PLA2R1: variants seen among roughly 807,000 people sequenced by gnomAD.
PLA2R1 encodes the protein secretory phospholipase A2 receptor.
PLA2R1 carries 158 observed loss-of-function variants against 195.9 expected under a neutral mutation model. The ratio of observed to expected loss-of-function variants is 0.81; its 90% CI spans 0.71 to 0.92. The LOEUF is 0.92. PLA2R1 is among the 40% of genes least tolerant of loss of function. PLA2R1 has a pLI of 0.00. For missense variants in PLA2R1, 1,626 were observed against 1,764.6 expected (o/e 0.92, Z 1.41); for synonymous variants, 586 against 598.2 (o/e 0.98, Z 0.30).
intron 9 of PLA2R1, among the ~76,000 whole-genome samples, chr2:160,016,009 AATCCCGG>A (rs1692717855): frequency 6.6e-6 from 1 of 152,228 alleles, no homozygotes; most frequent in African/African-American, 2.4e-5. Context: ...TGAAGCCTGT[AATCCCGG>A]TACTTTGGGA....
At chr2:159,965,955 A>C (rs867900464) in intron 20 of PLA2R1, among the ~76,000 whole-genome samples, 12 of 152,212 alleles carry the variant, frequency 7.9e-5, no homozygotes, top group African/African-American at 2.9e-4. Context: ...CACCAGACTC[A>C]GGGTCAGAAA....
chr2:160,020,200 G>T lies in PLA2R1; in HGVS notation c.1358C>A (p.Ser453Tyr). Residue 453 changes from serine (S) to tyrosine (Y), a missense_variant, in exon 8 of 30, where the codon TCT becomes TAT. Ser to Tyr is a moderately radical substitution (Grantham distance 144). Transcript: ENST00000283243. Reference protein sequence around the residue: ...SNKIPVSFEWSNDSSVIFTNW... With the variant: ...SNKIPVSFEWYNDSSVIFTNW... ...AGTAAAGATGACTGAAGAGTCATTA[G>T]ACCATTCAAAGGAAACTGGAATTTT... 1 of 1,608,210 alleles carries T rather than the reference G, an allele frequency of 6.2e-7. No individual in the cohort carries two copies. Among genetic ancestry groups the T allele is most frequent in the Non-Finnish European group, 8.5e-7 (1 of 1,174,670 alleles).
At chr2:160,036,916 T>A (rs1461359070) in intron 3 of PLA2R1, among the ~76,000 whole-genome samples, 1 of 152,224 alleles carries the variant, frequency 6.6e-6, no homozygotes, top group Non-Finnish European at 1.5e-5. Context: ...TGGCGAATTC[T>A]TCTTTTAGTC....
At chr2:159,923,982 G>A in the PLA2R1 span, among the ~76,000 whole-genome samples, 25 of 152,110 alleles carry the variant, frequency 1.6e-4, no homozygotes, top group African/African-American at 5.1e-4. Context: ...GAGGTCAGAA[G>A]TCCAAAATCA....
intron 24 of PLA2R1, 94 bp downstream of exon 24, chr2:159,951,246 T>G: frequency 1.4e-6 from 1 of 738,596 alleles, no homozygotes; most frequent in Non-Finnish European, 2.4e-6. Flanking sequence ...TTTGGGATCT[T>G]TTTTTCAGTG....
rs188529973 is a variant in PLA2R1, at chr2:159,932,236, G to A, written c.*9542C>T. ...GGCTGTGGTCAGGAGGGTCTGCTTC[G>A]TTCACGCACTGTCTGTTTGGTAGTG... On this transcript the variant is annotated 3_prime_UTR_variant, in exon 30 of 30. Transcript: ENST00000283243. 12 of 152,354 alleles carry A rather than the reference G, an allele frequency of 7.9e-5. No individual in the cohort carries two copies. Among genetic ancestry groups the A allele is most frequent in the African/African-American group, 2.4e-4 (10 of 41,572 alleles). 9.4% of individuals were successfully genotyped at this position (152,354 alleles called of 1,614,324 possible). A position where few individuals can be genotyped will look rare whatever the true frequency, so the allele number is the denominator to read the frequency against.
intron 9 of PLA2R1, 115 bp from the exon 10 acceptor site, chr2:160,013,490 A>C: frequency 4.0e-6 from 2 of 493,962 alleles, no homozygotes; most frequent in Non-Finnish European, 3.5e-6. Flanking sequence ...CTCCTTTAAA[A>C]CTCCTTGAAT....
At chr2:160,029,601 T>C (rs1159074920) in intron 4 of PLA2R1, among the ~76,000 whole-genome samples, 1 of 152,136 alleles carries the variant, frequency 6.6e-6, no homozygotes, top group Non-Finnish European at 1.5e-5. Flanking sequence ...TGCAATACCA[T>C]TTTTGTTATA....
intron 11 of PLA2R1, among the ~76,000 whole-genome samples, chr2:159,997,070 C>A (rs1691261568): frequency 6.6e-6 from 1 of 152,038 alleles, no homozygotes; most frequent in African/African-American, 2.4e-5. Flanking sequence ...GTGTTTCTTG[C>A]CTTTTAGCAT....
chr2:159,949,348 C>T (rs1036755889), intron 25 of PLA2R1, among the ~76,000 whole-genome samples: 21 of 152,160 alleles, frequency 1.4e-4, no homozygotes, highest in Admixed American at 2.6e-4. Flanking sequence ...CCCATCTGCA[C>T]TGCCATGTCC....
intron 11 of PLA2R1, among the ~76,000 whole-genome samples, chr2:160,000,289 T>C (rs1457792512): frequency 6.6e-6 from 1 of 152,092 alleles, no homozygotes; most frequent in Non-Finnish European, 1.5e-5. Context: ...ATCTTGGGAG[T>C]GAATAATAAG....
At chr2:160,043,829 T>C (rs1233483805) in intron 2 of PLA2R1, among the ~76,000 whole-genome samples, 1 of 152,222 alleles carries the variant, frequency 6.6e-6, no homozygotes, top group African/African-American at 2.4e-5. Flanking sequence ...TTTTTAATCA[T>C]TTCTTCTTTA....
At chr2:160,046,450 G>A (rs1694880845) in intron 1 of PLA2R1, among the ~76,000 whole-genome samples, 1 of 152,180 alleles carries the variant, frequency 6.6e-6, no homozygotes, top group South Asian at 2.1e-4. Context: ...AGAGGTTTGG[G>A]ACAGTGCAGG....
At chr2:160,053,115 G>C (rs1353033161) in intron 1 of PLA2R1, among the ~76,000 whole-genome samples, 1 of 152,112 alleles carries the variant, frequency 6.6e-6, no homozygotes, top group East Asian at 1.9e-4. Context: ...TTCCTTCCAA[G>C]GGCTATGAGG....
Position 159,942,122 on chromosome 2 carries a change from C to T in PLA2R1, c.4177+5G>A, listed in dbSNP as rs376744477. On this transcript the variant is annotated splice_donor_5th_base_variant and intron_variant, in intron 29 of 29. Coordinates refer to ENST00000283243, the MANE Select transcript of PLA2R1 (RefSeq NM_007366.5). Reference sequence around the variant, plus strand: ...TCAAAATGTTTTGTATGGTTTCAAACGTACCTTTTTCTGGCAGCGCCTCTG... The same window carrying T: ...TCAAAATGTTTTGTATGGTTTCAAATGTACCTTTTTCTGGCAGCGCCTCTG... 35 of 1,609,538 alleles carry T rather than the reference C, an allele frequency of 2.2e-5. No individual in the cohort carries two copies. Among genetic ancestry groups the T allele is most frequent in the African/African-American group, 1.1e-4 (8 of 74,782 alleles).
chr2:160,042,802 T>C (rs1449748253), intron 2 of PLA2R1, among the ~76,000 whole-genome samples: 3 of 14,322 alleles, frequency 2.1e-4, no homozygotes, highest in Non-Finnish European at 2.5e-4. Context: ...TGTGTGTGCG[T>C]GTGTGTGTGT....
chr2:159,978,113 T>C (rs2105281351), intron 14 of PLA2R1, among the ~76,000 whole-genome samples: 1 of 152,268 alleles, frequency 6.6e-6, no homozygotes, highest in South Asian at 2.1e-4. Context: ...GGTATTAACT[T>C]TGATTTTGAT....
intron 11 of PLA2R1, among the ~76,000 whole-genome samples, chr2:159,992,149 T>C (rs370823499): frequency 4.0e-5 from 6 of 150,178 alleles, no homozygotes; most frequent in Non-Finnish European, 7.4e-5. Flanking sequence ...TTTTAATGAT[T>C]GCCATTCTAA....
intron 25 of PLA2R1, among the ~76,000 whole-genome samples, 195 bp downstream of exon 25, chr2:159,949,413 A>C (rs1317243070): frequency 2.0e-5 from 3 of 152,122 alleles, no homozygotes; most frequent in Non-Finnish European, 2.9e-5. Flanking sequence ...CTTTTTCTTG[A>C]TAACCCCCAT....
Sources: allele counts gnomAD v4.1 joint callset (sites outside exome capture counted in the v4.1 genomes callset), GRCh38; gene constraint gnomAD v4.1.1; transcripts MANE v1.5; gene names NCBI Gene and HGNC (gene_info 2026-07-23, HGNC 2026-07-21).